PSD3: variants seen among roughly 807,000 people sequenced by gnomAD.
The protein encoded by PSD3 is PH and SEC7 domain-containing protein 3.
Under a neutral mutation model 105.5 loss-of-function variants are expected in PSD3, and 49 were observed. That is an observed-to-expected ratio of 0.46 (90% CI 0.37 to 0.59). The LOEUF (loss-of-function observed/expected upper bound fraction) is 0.59. Among genes scored for constraint, PSD3 ranks in the 20% least tolerant of loss-of-function variants. The pLI is 0.00. For synonymous variants in PSD3, 557 were observed against 457.8 expected (o/e 1.22, Z -2.77); for missense variants, 1,561 against 1,263.8 (o/e 1.24, Z -3.57).
At position 18,772,670 on chromosome 8, in the gene PSD3, G is replaced by A. The variant is rs553767190; in HGVS notation, c.2083-7132C>T. Among the ~76,000 whole-genome samples the A allele has an allele frequency of 3.4e-4, 51 of 152,042 alleles. 1 individual carries two copies. Among genetic ancestry groups the A allele is most frequent in the South Asian group, 1.2e-3 (6 of 4,808 alleles). On this transcript the variant is annotated intron_variant, in intron 8 of 15. Coordinates refer to ENST00000327040, the MANE Select transcript of PSD3 (RefSeq NM_015310.4). The stretch of plus-strand genomic sequence containing the variant: ...ATTACAGGTGCCCACCATCATGCCC[G>A]GCTAATTTTTTGTATTTTTAGTAGA...
At chr8:18,600,975 C>A (rs757144302) in intron 11 of PSD3, among the ~76,000 whole-genome samples, 1 of 152,188 alleles carries the variant, frequency 6.6e-6, no homozygotes, top group Non-Finnish European at 1.5e-5. Context: ...GCAACCTGTG[C>A]ATATCTCTAC....
At chr8:19,074,883 G>A (rs1304256995) in intron 1 of PSD3, among the ~76,000 whole-genome samples, 1 of 151,188 alleles carries the variant, frequency 6.6e-6, no homozygotes, top group Non-Finnish European at 1.5e-5. Context: ...GCCTCCCAAC[G>A]TGCTGGGATT....
chr8:18,655,505 G>A (rs959805277), intron 10 of PSD3, 137 bp downstream of exon 10: 6 of 810,698 alleles, frequency 7.4e-6, no homozygotes, highest in South Asian at 4.9e-5. Context: ...AAGCCACAAA[G>A]TAGGTAAGAC....
intron 14 of PSD3, among the ~76,000 whole-genome samples, chr8:18,564,286 A>C (rs1450501870): frequency 6.6e-6 from 1 of 152,214 alleles, no homozygotes; most frequent in Non-Finnish European, 1.5e-5. Flanking sequence ...TGAGTAGACC[A>C]GTGATCTAGG....
chr8:18,971,477 G>C (rs1341983601), intron 1 of PSD3, among the ~76,000 whole-genome samples: 4 of 152,140 alleles, frequency 2.6e-5, no homozygotes, highest in African/African-American at 9.7e-5. Context: ...CCACTCTCCT[G>C]AGAAAATACC....
intron 1 of PSD3, among the ~76,000 whole-genome samples, chr8:19,072,904 T>C (rs980679021): frequency 6.6e-6 from 1 of 152,232 alleles, no homozygotes; most frequent in African/African-American, 2.4e-5. Context: ...AATGCATGAA[T>C]ACTTTTGTAC....
chr8:18,934,672 A>C (rs1459932304), intron 2 of PSD3, among the ~76,000 whole-genome samples: 1 of 152,178 alleles, frequency 6.6e-6, no homozygotes, highest in Non-Finnish European at 1.5e-5. Context: ...AAGTCACTAT[A>C]ATCCCATTTT....
intron 12 of PSD3, among the ~76,000 whole-genome samples, chr8:18,592,738 T>C (rs956011207): frequency 6.6e-6 from 1 of 151,966 alleles, no homozygotes; most frequent in Admixed American, 6.6e-5. Context: ...CACAAGCATA[T>C]TACATCCAGC....
chr8:18,796,842 A>C (rs762275469), intron 8 of PSD3, among the ~76,000 whole-genome samples: 6 of 152,218 alleles, frequency 3.9e-5, no homozygotes, highest in Non-Finnish European at 8.8e-5. Context: ...TTATTCTGGC[A>C]TCGGATCAAG....
chr8:18,751,503 C>T (rs1183411807), intron 9 of PSD3, among the ~76,000 whole-genome samples: 1 of 152,216 alleles, frequency 6.6e-6, no homozygotes, highest in Non-Finnish European at 1.5e-5. Context: ...ACCTGAAAAC[C>T]ATAGGCACAG....
At chr8:18,634,494 C>T (rs73585858) in intron 10 of PSD3, among the ~76,000 whole-genome samples, 2,033 of 151,968 alleles carry the variant, frequency 0.013, 41 homozygotes, top group African/African-American at 0.047. Context: ...GAATTAAACT[C>T]GGCTTCATTT....
intron 9 of PSD3, among the ~76,000 whole-genome samples, chr8:18,656,877 G>A (rs894473291): frequency 2.8e-4 from 42 of 152,154 alleles, no homozygotes; most frequent in South Asian, 4.1e-4. Flanking sequence ...ATGCCACAGT[G>A]TCTGGCTTTA....
At chr8:18,728,632 G>A (rs1011089442) in intron 9 of PSD3, among the ~76,000 whole-genome samples, 3 of 152,116 alleles carry the variant, frequency 2.0e-5, no homozygotes, top group Admixed American at 6.5e-5. Flanking sequence ...TGCTGGGGTG[G>A]GCAAGGACCA....
chr8:18,715,946 G>C (rs924101028), intron 9 of PSD3, among the ~76,000 whole-genome samples: 2 of 152,236 alleles, frequency 1.3e-5, no homozygotes, highest in African/African-American at 4.8e-5. Flanking sequence ...ATTTGAGTGA[G>C]GGAGCTGGCT....
rs78681855 is a variant in PSD3, at chr8:18,807,346, T to C, written c.1635-2448A>G. Among the ~76,000 whole-genome samples, 1,397 of 152,250 alleles carry C rather than the reference T, an allele frequency of 9.2e-3. 21 individuals are homozygous for C. Among genetic ancestry groups the C allele is most frequent in the African/African-American group, 0.032 (1,330 of 41,546 alleles). ...CCACAGGATTAGAAGGAGTTAACTG[T>C]CCTTAGCAACTCTTCTCCAAGCACA... On this transcript the variant is annotated intron_variant, in intron 4 of 15. Transcript: ENST00000327040.
chr8:18,834,615 C>G (rs1813947477), intron 4 of PSD3, among the ~76,000 whole-genome samples: 1 of 152,178 alleles, frequency 6.6e-6, no homozygotes, highest in African/African-American at 2.4e-5. Flanking sequence ...GATACCCATG[C>G]ACTTAAACTA....
intron 4 of PSD3, among the ~76,000 whole-genome samples, chr8:18,857,588 A>G (rs1816120184): frequency 6.6e-6 from 1 of 152,212 alleles, no homozygotes; most frequent in Non-Finnish European, 1.5e-5. Flanking sequence ...ATGAGCAATC[A>G]AGTTTGAGAA....
intron 9 of PSD3, among the ~76,000 whole-genome samples, chr8:18,711,857 T>G (rs1370272271): frequency 6.6e-6 from 1 of 152,150 alleles, no homozygotes. Flanking sequence ...GTACTTACTC[T>G]AAAATTGATC....
chr8:18,914,976 C>T (rs1307414027), intron 2 of PSD3, among the ~76,000 whole-genome samples: 1 of 152,064 alleles, frequency 6.6e-6, no homozygotes, highest in African/African-American at 2.4e-5. Context: ...GTAACCAAAA[C>T]AGCATGGTAC....
Sources: allele counts gnomAD v4.1 joint callset (sites outside exome capture counted in the v4.1 genomes callset), GRCh38; gene constraint gnomAD v4.1.1; transcripts MANE v1.5; gene names NCBI Gene and HGNC (gene_info 2026-07-23, HGNC 2026-07-21).